SHANK2: variants seen among roughly 807,000 people sequenced by gnomAD.
SHANK2 encodes SH3 and multiple ankyrin repeat domains protein 2.
Under a neutral mutation model 133.7 loss-of-function variants are expected in SHANK2, and 43 were observed. The observed-to-expected ratio is 0.32, with a 90% confidence interval of 0.25 to 0.41. The LOEUF is 0.41. SHANK2 is among the 10% of genes least tolerant of loss of function. SHANK2 has a pLI of 1.00. For synonymous variants in SHANK2, 1,017 were observed against 952.8 expected, an observed-to-expected ratio of 1.07 and a Z score of -1.24; for missense variants, 1,994 against 2,235.8, an observed-to-expected ratio of 0.89 and a Z score of 2.18.
At chr11:70,513,472 A>T (rs782367640) in intron 17 of SHANK2, among the ~76,000 whole-genome samples, 2 of 152,262 alleles carry the variant, frequency 1.3e-5, no homozygotes, top group Admixed American at 6.5e-5. Context: ...CAGCTAAAAC[A>T]AAAACATTAA....
intron 14 of SHANK2, among the ~76,000 whole-genome samples, chr11:70,774,794 T>C (rs1947327550): frequency 6.6e-6 from 1 of 152,056 alleles, no homozygotes; most frequent in African/African-American, 2.4e-5. Context: ...GAAAAAAAGG[T>C]TGGTGTCCTG....
chr11:70,488,350 A>C (rs936390640), intron 24 of SHANK2, among the ~76,000 whole-genome samples: 1 of 152,292 alleles, frequency 6.6e-6, no homozygotes, highest in African/African-American at 2.4e-5. Context: ...GCCCAGATGT[A>C]CAGGGAGGCC....
intron 17 of SHANK2, among the ~76,000 whole-genome samples, chr11:70,509,483 A>G (rs2059173992): frequency 6.6e-6 from 1 of 152,212 alleles, no homozygotes; most frequent in Non-Finnish European, 1.5e-5. Flanking sequence ...TCTTCCTTGC[A>G]GGAGCTCAGA....
At chr11:70,742,913 C>G (rs987696113) in intron 14 of SHANK2, among the ~76,000 whole-genome samples, 3 of 152,220 alleles carry the variant, frequency 2.0e-5, no homozygotes, top group Non-Finnish European at 2.9e-5. Flanking sequence ...ACACCTCTGA[C>G]GCCTTGCACA....
intron 2 of SHANK2, among the ~76,000 whole-genome samples, chr11:71,220,517 G>T (rs1440259800): frequency 1.3e-5 from 2 of 152,174 alleles, no homozygotes; most frequent in Non-Finnish European, 2.9e-5. Flanking sequence ...CAGCCAAAAG[G>T]TTGGAGCAAC....
chr11:70,565,051 T>G (rs1233548197), intron 17 of SHANK2, among the ~76,000 whole-genome samples: 1 of 152,200 alleles, frequency 6.6e-6, no homozygotes, highest in Non-Finnish European at 1.5e-5. Flanking sequence ...TGATAATGGA[T>G]TTTTCTCTTC....
At chr11:71,085,796 TACAACATAA>T (rs1951389748) in intron 8 of SHANK2, among the ~76,000 whole-genome samples, 1 of 67,678 alleles carries the variant, frequency 1.5e-5, no homozygotes, top group Non-Finnish European at 2.4e-5. Flanking sequence ...TAATATATGA[TACAACATAA>T]TATATTATGT....
chr11:71,119,777 C>A (rs1313448225), intron 3 of SHANK2, among the ~76,000 whole-genome samples: 1 of 152,138 alleles, frequency 6.6e-6, no homozygotes, highest in Non-Finnish European at 1.5e-5. Flanking sequence ...TGAGAACCTA[C>A]ATCTCAGACA....
intron 2 of SHANK2, among the ~76,000 whole-genome samples, chr11:71,155,332 A>C (rs112339815): frequency 1.4e-4 from 11 of 81,038 alleles, no homozygotes; most frequent in East Asian, 7.7e-4. Context: ...GACCTACCCC[A>C]GCCCACGCTC....
At chr11:70,600,418 C>CAAAAAAAAAAAAAAAAA (rs56103044) in intron 17 of SHANK2, among the ~76,000 whole-genome samples, 15 of 95,408 alleles carry the variant, frequency 1.6e-4, no homozygotes, top group Non-Finnish European at 1.9e-4. Context: ...GACTCTGTCT[C>CAAAAAAAAAAAAAAAAA]AAAAAAAAAA....
chr11:70,523,666 A>T (rs57771252), intron 17 of SHANK2, among the ~76,000 whole-genome samples: 14,381 of 152,142 alleles, frequency 0.095, 934 homozygotes, highest in East Asian at 0.34. Context: ...CCGGTCCTGG[A>T]GGGCAGTGTT....
intron 2 of SHANK2, among the ~76,000 whole-genome samples, chr11:71,214,843 G>C (rs1330159939): frequency 6.6e-6 from 1 of 152,250 alleles, no homozygotes; most frequent in Admixed American, 6.5e-5. Flanking sequence ...TTCTAGACCA[G>C]CAGGTGCTCG....
At chr11:70,732,947 G>A (rs782183301) in intron 14 of SHANK2, among the ~76,000 whole-genome samples, 33 of 152,344 alleles carry the variant, frequency 2.2e-4, no homozygotes, top group Middle Eastern at 3.4e-3. Flanking sequence ...CACAGCCCGC[G>A]CGAATAGTGC....
At chr11:70,931,978 G>C (rs1026797791) in intron 10 of SHANK2, among the ~76,000 whole-genome samples, 1 of 152,208 alleles carries the variant, frequency 6.6e-6, no homozygotes, top group Non-Finnish European at 1.5e-5. Flanking sequence ...CACTGAAAGA[G>C]CCTCTACGTG....
intron 14 of SHANK2, among the ~76,000 whole-genome samples, chr11:70,741,401 C>A (rs144799426): frequency 1.8e-4 from 27 of 152,236 alleles, no homozygotes; most frequent in Admixed American, 1.6e-3. Context: ...TACATTCATT[C>A]GCTGTTCACT....
intron 12 of SHANK2, among the ~76,000 whole-genome samples, chr11:70,810,110 C>T (rs768296901): frequency 8.9e-4 from 135 of 152,324 alleles, no homozygotes; most frequent in Admixed American, 1.5e-3. Context: ...AGCAGGAACT[C>T]CTGCAAAAGC....
intron 22 of SHANK2, 149 bp from the exon 23 acceptor site, chr11:70,490,536 G>C (rs781839006): frequency 3.6e-5 from 26 of 720,098 alleles, no homozygotes; most frequent in Non-Finnish European, 6.0e-5. Flanking sequence ...GGGCTGATGA[G>C]AACCACAGCA....
intron 2 of SHANK2, among the ~76,000 whole-genome samples, chr11:71,178,620 T>C (rs1213144491): frequency 6.6e-6 from 1 of 152,208 alleles, no homozygotes; most frequent in Non-Finnish European, 1.5e-5. Flanking sequence ...AAAAAGTCTT[T>C]AAAAAGAACT....
chr11:70,910,913 T>C (rs72958680), intron 10 of SHANK2: 81,610 of 449,582 alleles, frequency 0.18, 7,973 homozygotes, highest in Middle Eastern at 0.24. Context: ...TGTGTGTGTG[T>C]GCGCGTGCAT....
Sources: gnomAD v4.1 joint callset for allele counts (sites outside exome capture counted in the v4.1 genomes callset) on GRCh38, gnomAD v4.1.1 for gene constraint, MANE v1.5 for transcripts, NCBI Gene and HGNC (gene_info 2026-07-23, HGNC 2026-07-21) for gene names.